Variants in TRIM24 observed in about 807,000 individuals in gnomAD.
The protein encoded by TRIM24 is transcription intermediary factor 1-alpha.
In TRIM24, 29 loss-of-function variants were observed where a neutral mutation model predicts 123.9. The ratio of observed to expected loss-of-function variants is 0.23; its 90% CI spans 0.17 to 0.32. The LOEUF (loss-of-function observed/expected upper bound fraction) is 0.32. Among genes scored for constraint, TRIM24 ranks in the 10% least tolerant of loss-of-function variants. The pLI is 1.00. For synonymous variants in TRIM24, 456 were observed against 461.1 expected, an observed-to-expected ratio of 0.99 and a Z score of 0.14; for missense variants, 932 against 1,295.3, an observed-to-expected ratio of 0.72 and a Z score of 4.31.
chr7:138,531,267 T>G (rs1035537152), intron 6 of TRIM24, among the ~76,000 whole-genome samples: 1 of 152,076 alleles, frequency 6.6e-6, no homozygotes, highest in African/African-American at 2.4e-5. Flanking sequence ...GTTACATATG[T>G]TTACATGTGT....
At chr7:138,511,200 T>G (rs2116546183) in intron 2 of TRIM24, among the ~76,000 whole-genome samples, 1 of 152,272 alleles carries the variant, frequency 6.6e-6, no homozygotes, top group South Asian at 2.1e-4. Context: ...CTCAGGAAAC[T>G]TACAATCATG....
chr7:138,531,231 C>T (rs1486871751), intron 6 of TRIM24, among the ~76,000 whole-genome samples: 3 of 146,728 alleles, frequency 2.0e-5, no homozygotes, highest in East Asian at 1.9e-4. Context: ...CATACGTATA[C>T]ATGTTACACG....
chr7:138,575,200 A>C (rs1276066713), intron 12 of TRIM24, among the ~76,000 whole-genome samples: 1 of 152,204 alleles, frequency 6.6e-6, no homozygotes, highest in Non-Finnish European at 1.5e-5. Context: ...TTATATATGG[A>C]TGGAGAAGTT....
chr7:138,506,193 A>G (rs572309664), intron 2 of TRIM24, among the ~76,000 whole-genome samples: 1 of 152,338 alleles, frequency 6.6e-6, no homozygotes, highest in South Asian at 2.1e-4. Context: ...AAGTATCCAC[A>G]ATTCTTCCTG....
intron 1 of TRIM24, among the ~76,000 whole-genome samples, chr7:138,502,011 G>A (rs534694797): frequency 3.9e-5 from 6 of 152,158 alleles, no homozygotes; most frequent in Non-Finnish European, 7.4e-5. Flanking sequence ...TGGGGCTTGG[G>A]AATGAAGTTC....
At chr7:138,583,497 G>A (rs1797947221) in intron 17 of TRIM24, among the ~76,000 whole-genome samples, 1 of 152,152 alleles carries the variant, frequency 6.6e-6, no homozygotes, top group Non-Finnish European at 1.5e-5. Flanking sequence ...GCGCATGCCT[G>A]TAACCCCAGC....
At chr7:138,551,026 T>C (rs2116630043) in intron 7 of TRIM24, 37 bp from the exon 8 acceptor site, 1 of 1,544,264 alleles carries the variant, frequency 6.5e-7, no homozygotes, top group East Asian at 2.2e-5. Context: ...AATAAATTAT[T>C]TGCCTAATAT....
At chr7:138,461,805 T>C (rs1794981275) in intron 1 of TRIM24, among the ~76,000 whole-genome samples, 1 of 152,222 alleles carries the variant, frequency 6.6e-6, no homozygotes, top group Non-Finnish European at 1.5e-5. Context: ...AAATACAGTG[T>C]AACTGGAAAA....
intron 14 of TRIM24, among the ~76,000 whole-genome samples, chr7:138,578,565 C>CGCGCGT (rs1797821763): frequency 1.9e-5 from 2 of 105,478 alleles, no homozygotes; most frequent in African/African-American, 3.5e-5. Context: ...TGTGTGTGTG[C>CGCGCGT]GCGCACGCAC....
intron 6 of TRIM24, among the ~76,000 whole-genome samples, chr7:138,535,827 A>G (rs1390909577): frequency 1.3e-5 from 2 of 151,446 alleles, no homozygotes; most frequent in African/African-American, 4.9e-5. Context: ...CCTTGGTTCC[A>G]TTCTCCCCGT....
At chr7:138,531,489 T>C (rs927969600) in intron 6 of TRIM24, among the ~76,000 whole-genome samples, 2 of 151,996 alleles carry the variant, frequency 1.3e-5, no homozygotes, top group African/African-American at 4.8e-5. Flanking sequence ...GTCCCTGCGA[T>C]AGTTTGCTGA....
chr7:138,476,588 G>A (rs565318850), intron 1 of TRIM24, among the ~76,000 whole-genome samples: 16 of 127,040 alleles, frequency 1.3e-4, no homozygotes, highest in Admixed American at 1.7e-4. Flanking sequence ...GCGAGGCTCC[G>A]TCTCAAAAAA....
chr7:138,567,361 A>T, intron 9 of TRIM24, 120 bp from the exon 10 acceptor site: 1 of 939,174 alleles, frequency 1.1e-6, no homozygotes. Flanking sequence ...TGTAAATCTT[A>T]ATAATTGATT....
At chr7:138,522,520 T>A (rs1048594674) in intron 4 of TRIM24, among the ~76,000 whole-genome samples, 1 of 152,176 alleles carries the variant, frequency 6.6e-6, no homozygotes, top group Non-Finnish European at 1.5e-5. Context: ...ATTCTTGTGA[T>A]AACTAAAGTC....
At chr7:138,509,971 C>T (rs78421299) in intron 2 of TRIM24, among the ~76,000 whole-genome samples, 7,459 of 152,152 alleles carry the variant, frequency 0.049, 251 homozygotes, top group Non-Finnish European at 0.073. Flanking sequence ...AGGCTTCTGA[C>T]GGGCAGAAGT....
At chr7:138,475,580 G>A (rs1795379243) in intron 1 of TRIM24, among the ~76,000 whole-genome samples, 1 of 152,088 alleles carries the variant, frequency 6.6e-6, no homozygotes, top group South Asian at 2.1e-4. Flanking sequence ...ATAGTGCAGT[G>A]GTGTGATCTC....
At chr7:138,530,266 A>G (rs1047285512) in intron 6 of TRIM24, among the ~76,000 whole-genome samples, 2 of 152,164 alleles carry the variant, frequency 1.3e-5, no homozygotes, top group African/African-American at 4.8e-5. Context: ...TTAAGTTTCC[A>G]AAACTGCTTA....
intron 10 of TRIM24, among the ~76,000 whole-genome samples, chr7:138,568,925 G>A (rs1310973810): frequency 6.6e-6 from 1 of 151,968 alleles, no homozygotes; most frequent in African/African-American, 2.4e-5. Flanking sequence ...TGTACACTCT[G>A]TGTCTATACA....
chr7:138,554,851 A>C lies in TRIM24; in HGVS notation c.1415A>C (p.His472Pro). ...QISLAQLRLQ[H>P]MQQQVMAQRQ... ...AGCCTAGCTCAATTACGGCTCCAGC[A>C]TATGCAGCAACAGGTAATGGCTCAG... The change falls in exon 9 of 19, where the codon CAT (histidine) becomes CCT (proline). Residue 472 changes from histidine (H) to proline (P), a missense_variant. His to Pro is a moderately conservative substitution (Grantham distance 77). Around this residue, in one of 7 missense-constraint regions of TRIM24, gnomAD observed 527 missense variants for 691.3 expected, o/e 0.76. Coordinates refer to ENST00000343526, the MANE Select transcript of TRIM24 (RefSeq NM_015905.3). This position sits in a 1 kb window ranked among gnomAD's most constrained non-coding sequence, Gnocchi z 4.5. 6.2e-7 allele frequency: 1 copy of C among 1,614,190 alleles called. No individual in the cohort carries two copies. Among genetic ancestry groups the C allele is most frequent in the Non-Finnish European group, 8.5e-7 (1 of 1,180,012 alleles).
Sources: gnomAD v4.1 joint callset for allele counts (sites outside exome capture counted in the v4.1 genomes callset) on GRCh38, gnomAD v4.1.1 for gene constraint, gnomAD v4.1.1 regional missense constraint, Gnocchi (gnomAD v3.1) non-coding constraint, MANE v1.5 for transcripts, NCBI Gene and HGNC (gene_info 2026-07-23, HGNC 2026-07-21) for gene names.